The following FBN2 variants were observed in gnomAD, a reference collection of about 807,000 sequenced individuals.
FBN2 encodes fibrillin-2.
FBN2 carries 105 observed loss-of-function variants against 355.6 expected under a neutral mutation model. The observed-to-expected ratio is 0.30, with a 90% CI of 0.25 to 0.35. FBN2 has a LOEUF of 0.35. Among genes scored for constraint, FBN2 ranks in the 10% least tolerant of loss-of-function variants. FBN2 has a pLI of 1.00. For synonymous variants in FBN2, 1,350 were observed against 1,301.2 expected, an observed-to-expected ratio of 1.04 and a Z score of -0.81; for missense variants, 3,280 against 3,758.7, an observed-to-expected ratio of 0.87 and a Z score of 3.33.
chr5:128,490,373 A>G (rs752760499), intron 5 of FBN2, among the ~76,000 whole-genome samples: 59 of 152,192 alleles, frequency 3.9e-4, no homozygotes, highest in Non-Finnish European at 7.8e-4. Context: ...GGCATAAATC[A>G]TGGAAGCCAC....
At chr5:128,521,275 G>A (rs922329828) in intron 4 of FBN2, among the ~76,000 whole-genome samples, 15 of 152,010 alleles carry the variant, frequency 9.9e-5, no homozygotes, top group African/African-American at 3.1e-4. Context: ...AACAGAAAGC[G>A]AAACACCACA....
intron 15 of FBN2, among the ~76,000 whole-genome samples, chr5:128,370,636 A>C (rs1442899827): frequency 6.6e-6 from 1 of 152,162 alleles, no homozygotes; most frequent in Non-Finnish European, 1.5e-5. Flanking sequence ...CATTTCCAAT[A>C]TGATTTTTGT....
rs1441793204 is a variant in FBN2, at chr5:128,380,310, T to C, written c.1604-1420A>G. The stretch of plus-strand genomic sequence containing the variant: ...GTTGAAGATCACTTCAATTTTGTGT[T>C]ACATAATTGAAATGCAACAATTAAA... On this transcript the variant is annotated intron_variant, in intron 11 of 64. Coordinates refer to ENST00000262464, the MANE Select transcript of FBN2 (RefSeq NM_001999.4). Among the ~76,000 whole-genome samples, 4 of 152,118 alleles carry C rather than the reference T, an allele frequency of 2.6e-5. No homozygotes were observed. In the South Asian group the frequency reaches 8.3e-4, roughly 32 times the overall value.
chr5:128,368,978 T>C (rs758617847), intron 16 of FBN2, among the ~76,000 whole-genome samples: 11 of 152,100 alleles, frequency 7.2e-5, no homozygotes, highest in Non-Finnish European at 1.5e-4. Context: ...TTATTCACTG[T>C]GTGTTCTGTT....
At chr5:128,263,192 T>G (rs929704028) in intron 63 of FBN2, among the ~76,000 whole-genome samples, 4 of 152,054 alleles carry the variant, frequency 2.6e-5, no homozygotes, top group Admixed American at 6.6e-5. Context: ...GAGCAAAGAG[T>G]GATATTTACA....
In FBN2 at chr5:128,259,425, A is replaced by C. The variant is rs771495534; in HGVS notation, c.*30T>G. On this transcript the variant is annotated 3_prime_UTR_variant, in exon 65 of 65. Transcript: ENST00000262464. ...GCTTCTGCAGACTGGCTGTGCTAGG[A>C]TTTGAGCCTGGGCCCAAGTCTGTGA... The C allele has an allele frequency of 6.2e-7, 1 of 1,612,246 alleles. No individual in the cohort carries two copies. The highest frequency in any genetic ancestry group is 1.3e-5 in the African/African-American group (1 of 74,870).
chr5:128,475,983 A>G lies in FBN2; in HGVS notation c.629-11062T>C, dbSNP rs183750992. On this transcript the variant is annotated intron_variant, in intron 5 of 64. Transcript: ENST00000262464. ...CCATATGAAGACTCGCTAGTAAATTATTCCTACAATCTCAATTTGGGACCA... is the reference window on the plus strand; with the variant it reads ...CCATATGAAGACTCGCTAGTAAATTGTTCCTACAATCTCAATTTGGGACCA... Among the ~76,000 whole-genome samples the G allele has an allele frequency of 7.9e-4, 120 of 152,328 alleles. 1 individual carries two copies. The highest frequency in any genetic ancestry group is 2.7e-3 in the African/African-American group (112 of 41,578).
At chr5:128,408,640 C>T (rs771368356) in intron 8 of FBN2, 34 bp downstream of exon 8, 5 of 1,613,080 alleles carry the variant, frequency 3.1e-6, no homozygotes, top group Non-Finnish European at 4.2e-6. Context: ...TTATAAAGAC[C>T]CAGTGTATTG....
At chr5:128,271,329 G>C (rs1765262298) in intron 62 of FBN2, among the ~76,000 whole-genome samples, 1 of 152,000 alleles carries the variant, frequency 6.6e-6, no homozygotes, top group Admixed American at 6.6e-5. Flanking sequence ...CATTCAAAAG[G>C]AGCCAAGAAA....
intron 5 of FBN2, among the ~76,000 whole-genome samples, chr5:128,480,454 A>G (rs1724208664): frequency 6.6e-6 from 1 of 152,170 alleles, no homozygotes. Flanking sequence ...TAGTATGGAT[A>G]TAACAGGGGA....
At chr5:128,365,219 G>A (rs1340623003) in intron 17 of FBN2, 2 of 162,436 alleles carry the variant, frequency 1.2e-5, no homozygotes, top group African/African-American at 2.4e-5. Context: ...TGAAATTACT[G>A]GAGAGGACAC....
At position 128,330,501 on chromosome 5, in the gene FBN2, T is replaced by C. The variant is rs569861352; in HGVS notation, c.4345+72A>G. ...CTTTTGTCTCCTTTAATTATAATTT[T>C]CTTCAAATAAGGAAGCATATAGAGT... On this transcript the variant is annotated intron_variant, in intron 33 of 64. Transcript: ENST00000262464. 16 of 1,533,782 alleles carry C rather than the reference T, an allele frequency of 1.0e-5. No homozygotes were observed. The African/African-American group carries it at 2.2e-4, about 21-fold the overall frequency.
In FBN2 at chr5:128,364,609, T is replaced by C. The variant is rs1490248020; in HGVS notation, c.2419A>G (p.Asn807Asp). The change falls in exon 18 of 65, where the codon AAC becomes GAC. Residue 807 changes from asparagine to aspartate, a missense_variant. By Grantham distance (23) the Asn-to-Asp change is conservative. Coordinates refer to ENST00000262464, the MANE Select transcript of FBN2 (RefSeq NM_001999.4). ...ATAACAAATAACTTACCAATACAGT[T>C]TCTTCCAGAGGCATCTGGTTCATAG... ...SGYEPDASGR[N>D]CIDIDECLVN... 6.2e-7 allele frequency: 1 copy of C among 1,613,566 alleles called. No homozygotes were observed. The highest frequency in any genetic ancestry group is 1.7e-5 in the Admixed American group (1 of 59,992).
At chr5:128,332,825 A>C in intron 32 of FBN2, 87 bp downstream of exon 32, 1 of 1,284,530 alleles carries the variant, frequency 7.8e-7, no homozygotes, top group Middle Eastern at 1.8e-4. Context: ...AATTAATAAA[A>C]GTGAAGAGCA....
chr5:128,353,493 G>T (rs183524619), intron 20 of FBN2, among the ~76,000 whole-genome samples: 2 of 152,282 alleles, frequency 1.3e-5, no homozygotes, highest in Non-Finnish European at 2.9e-5. Context: ...GTCTCAAACT[G>T]CAGGCTTGTT....
At chr5:128,288,944 C>T (rs1749238823) in intron 52 of FBN2, among the ~76,000 whole-genome samples, 183 bp downstream of exon 52, 2 of 152,348 alleles carry the variant, frequency 1.3e-5, no homozygotes, top group South Asian at 4.1e-4. Flanking sequence ...TGTTAACTCT[C>T]TCCATCTTCA....
intron 63 of FBN2, 64 bp downstream of exon 63, chr5:128,263,361 G>C (rs960902797): frequency 8.3e-7 from 1 of 1,204,322 alleles, no homozygotes; most frequent in Non-Finnish European, 1.2e-6. Flanking sequence ...TGCAGTGGGG[G>C]GTGGCCTGAA....
intron 25 of FBN2, among the ~76,000 whole-genome samples, chr5:128,341,581 T>C (rs1287618099): frequency 6.6e-6 from 1 of 152,188 alleles, no homozygotes; most frequent in Non-Finnish European, 1.5e-5. Context: ...CCAAGATTGG[T>C]CCTGCAGGTA....
At chr5:128,449,043 C>A (rs13175312) in intron 6 of FBN2, among the ~76,000 whole-genome samples, 8,737 of 151,808 alleles carry the variant, frequency 0.058, 362 homozygotes, top group Non-Finnish European at 0.084. Context: ...GATTAAAATT[C>A]TAACCTACAC....
Sources: gnomAD v4.1 joint callset for allele counts (sites outside exome capture counted in the v4.1 genomes callset) on GRCh38, gnomAD v4.1.1 for gene constraint, MANE v1.5 for transcripts, NCBI Gene and HGNC (gene_info 2026-07-23, HGNC 2026-07-21) for gene names.